Variants in MDFIC2 observed in about 807,000 individuals in gnomAD.
The protein encoded by MDFIC2 is myoD family inhibitor domain-containing protein 2.
chr3:70,208,528 C>T lies in MDFIC2; in HGVS notation c.89-1738G>A, dbSNP rs933273601. Among the ~76,000 whole-genome samples, 3 of 151,944 alleles carry T rather than the reference C, an allele frequency of 2.0e-5. No homozygotes were observed. The South Asian group carries it at 6.2e-4, about 32-fold the overall frequency. On this transcript the variant is annotated intron_variant, in intron 2 of 3. Coordinates refer to ENST00000567252, the MANE Select transcript of MDFIC2 (RefSeq NM_001364677.1). ...CAGAATTTTTAAAGCTCTGGTATTC[C>T]CCTATTCAGGAGACCAATTAAATCA...
intron 2 of MDFIC2, among the ~76,000 whole-genome samples, chr3:70,266,899 C>T (rs953819302): frequency 3.3e-5 from 5 of 152,208 alleles, no homozygotes; most frequent in Non-Finnish European, 7.3e-5. Flanking sequence ...CCACTGCCTG[C>T]CACAGAAGGC....
rs1321824847 is a variant in MDFIC2 at position 70,290,262 on chromosome 3, T to TA, written c.88+21623dup. 9.7e-4 allele frequency among the ~76,000 whole-genome samples: 147 copies of TA among 152,316 alleles called. 1 individual carries two copies. Among genetic ancestry groups the TA allele is most frequent in the African/African-American group, 3.3e-3 (139 of 41,566 alleles). ...TGGTGTGGATGTCCTTTCTGTTTGT[T>TA]AGTTTTCCTTCTAACAGACGGGACT... is the stretch of plus-strand genomic sequence containing the variant. On this transcript the variant is annotated intron_variant, in intron 2 of 3. Transcript: ENST00000567252.
chr3:70,304,417 A>G lies in MDFIC2; in HGVS notation c.88+7469T>C, dbSNP rs147810282. On this transcript the variant is annotated intron_variant, in intron 2 of 3. Coordinates refer to ENST00000567252, the MANE Select transcript of MDFIC2 (RefSeq NM_001364677.1). ...TTCTATTGCCCAGTTGACAGTTTCC[A>G]TGGGGATACCTCAGAGGCATTTCAC... 1.4e-3 allele frequency among the ~76,000 whole-genome samples: 206 copies of G among 152,314 alleles called. 1 individual carries two copies. Among genetic ancestry groups the G allele is most frequent in the African/African-American group, 4.8e-3 (198 of 41,570 alleles).
chr3:70,290,106 G>C (rs1702216476), intron 2 of MDFIC2, among the ~76,000 whole-genome samples: 4 of 152,354 alleles, frequency 2.6e-5, no homozygotes, highest in African/African-American at 7.2e-5. Flanking sequence ...CTGGTGAGGA[G>C]CTGCGTTCCT....
At chr3:70,240,779 A>G (rs1225054530) in intron 2 of MDFIC2, among the ~76,000 whole-genome samples, 4 of 152,144 alleles carry the variant, frequency 2.6e-5, no homozygotes, top group African/African-American at 7.2e-5. Flanking sequence ...AGTCTGAGTT[A>G]TTTTCATACA....
At chr3:70,240,885 T>A (rs182997849) in intron 2 of MDFIC2, among the ~76,000 whole-genome samples, 172 of 152,312 alleles carry the variant, frequency 1.1e-3, no homozygotes, top group Middle Eastern at 3.4e-3. Flanking sequence ...ATTAGGGTAC[T>A]TGATAAGCAG....
chr3:70,273,342 C>CT (rs1701992646), intron 2 of MDFIC2, among the ~76,000 whole-genome samples: 1 of 152,172 alleles, frequency 6.6e-6, no homozygotes, highest in Non-Finnish European at 1.5e-5. Context: ...CTTATCACCT[C>CT]TTTTTTCTTC....
intron 2 of MDFIC2, among the ~76,000 whole-genome samples, chr3:70,234,420 A>G (rs1434201988): frequency 6.6e-6 from 1 of 152,104 alleles, no homozygotes. Flanking sequence ...AAGCTGAGGT[A>G]GGTGGATTTC....
intron 2 of MDFIC2, among the ~76,000 whole-genome samples, chr3:70,263,178 A>G (rs1198561159): frequency 6.6e-6 from 1 of 152,112 alleles, no homozygotes; most frequent in Non-Finnish European, 1.5e-5. Context: ...TTTTTAACCA[A>G]CTGATTTTTC....
intron 2 of MDFIC2, among the ~76,000 whole-genome samples, chr3:70,240,328 A>T (rs1045243627): frequency 6.6e-6 from 1 of 151,940 alleles, no homozygotes; most frequent in Non-Finnish European, 1.5e-5. Context: ...AAGCAGAATA[A>T]CCAATTACTT....
intron 3 of MDFIC2, 88 bp downstream of exon 3, chr3:70,206,481 T>A (rs1243962428): frequency 2.5e-6 from 1 of 395,884 alleles, no homozygotes; most frequent in Non-Finnish European, 4.5e-6. Flanking sequence ...TAAGGACTTT[T>A]TTTTTCCTAA....
chr3:70,197,964 C>T (rs1036515759), intron 3 of MDFIC2, among the ~76,000 whole-genome samples: 1 of 152,040 alleles, frequency 6.6e-6, no homozygotes, highest in Non-Finnish European at 1.5e-5. Flanking sequence ...AATTTCTAGC[C>T]AAACAGCTGT....
chr3:70,197,666 C>T (rs890623346), intron 3 of MDFIC2, among the ~76,000 whole-genome samples: 1 of 152,224 alleles, frequency 6.6e-6, no homozygotes, highest in African/African-American at 2.4e-5. Flanking sequence ...AAATCTGCCA[C>T]ACCCATATTC....
intron 2 of MDFIC2, among the ~76,000 whole-genome samples, chr3:70,264,885 T>C (rs1701901514): frequency 1.3e-5 from 2 of 152,198 alleles, no homozygotes; most frequent in South Asian, 2.1e-4. Context: ...GGGTAATTTA[T>C]ACAGGAAAGA....
intron 2 of MDFIC2, among the ~76,000 whole-genome samples, chr3:70,285,807 A>G (rs1702156200): frequency 6.6e-6 from 1 of 152,200 alleles, no homozygotes; most frequent in African/African-American, 2.4e-5. Context: ...TCTGATGTCC[A>G]GTGATGAGGA....
intron 2 of MDFIC2, among the ~76,000 whole-genome samples, chr3:70,310,427 G>A (rs1398613676): frequency 1.3e-5 from 2 of 152,032 alleles, no homozygotes. Flanking sequence ...GTGCAGTGGT[G>A]TGATCTCGGC....
intron 2 of MDFIC2, among the ~76,000 whole-genome samples, chr3:70,215,973 T>C (rs1345569289): frequency 6.6e-6 from 1 of 152,122 alleles, no homozygotes; most frequent in Non-Finnish European, 1.5e-5. Flanking sequence ...CTTGGTATTT[T>C]ATTTTGATTT....
At chr3:70,263,791 C>A (rs1305146365) in intron 2 of MDFIC2, among the ~76,000 whole-genome samples, 2 of 152,168 alleles carry the variant, frequency 1.3e-5, no homozygotes, top group African/African-American at 2.4e-5. Context: ...CTGGCTCCAT[C>A]TGGGTTCCCG....
At chr3:70,210,092 CA>C (rs1449107876) in intron 2 of MDFIC2, among the ~76,000 whole-genome samples, 3 of 151,794 alleles carry the variant, frequency 2.0e-5, no homozygotes, top group East Asian at 3.9e-4. Context: ...AATTCAGTAA[CA>C]AAAAAAAGTT....
Sources: allele counts gnomAD v4.1 joint callset (sites outside exome capture counted in the v4.1 genomes callset), GRCh38; gene constraint gnomAD v4.1.1; transcripts MANE v1.5; gene names NCBI Gene and HGNC (gene_info 2026-07-23, HGNC 2026-07-21).